The following CNOT10 variants were observed in gnomAD, a reference collection of about 807,000 sequenced individuals.
CNOT10 encodes the protein CCR4-NOT transcription complex subunit 10, also known as CCR4-NOT transcription complex, subunit 10.
Under a neutral mutation model 94.6 loss-of-function variants are expected in CNOT10, and 30 were observed. That is an observed-to-expected ratio of 0.32 (90% confidence interval 0.24 to 0.43). The LOEUF (loss-of-function observed/expected upper bound fraction) is 0.43, where lower values mean the gene tolerates loss of function less well. CNOT10 is among the 20% of genes least tolerant of loss of function. The probability of loss-of-function intolerance (pLI) is 1.00; values close to 1 mark genes in which losing one functional copy is unlikely to be tolerated. For synonymous variants in CNOT10, 289 were observed against 301.6 expected, an observed-to-expected ratio of 0.96 and a Z score of 0.43; for missense variants, 759 against 877.2, an observed-to-expected ratio of 0.87 and a Z score of 1.70.
chr3:32,743,085 A>C (rs1345323914), intron 13 of CNOT10, among the ~76,000 whole-genome samples: 2 of 150,166 alleles, frequency 1.3e-5, no homozygotes, highest in Non-Finnish European at 2.9e-5. Context: ...TCCTGAGTTC[A>C]AGCAGTTCTC....
intron 3 of CNOT10, among the ~76,000 whole-genome samples, chr3:32,706,823 A>G (rs1419067893): frequency 6.6e-6 from 1 of 152,230 alleles, no homozygotes; most frequent in East Asian, 1.9e-4. Flanking sequence ...TCTCTTTAAG[A>G]TAGTGACTTG....
At chr3:32,715,042 A>G (rs1698058082) in intron 5 of CNOT10, among the ~76,000 whole-genome samples, 1 of 152,202 alleles carries the variant, frequency 6.6e-6, no homozygotes, top group Non-Finnish European at 1.5e-5. Context: ...GTGTAGTAAA[A>G]TATTTATATT....
chr3:32,713,640 A>AT (rs1018243417), intron 5 of CNOT10, among the ~76,000 whole-genome samples: 3 of 152,056 alleles, frequency 2.0e-5, no homozygotes, highest in Non-Finnish European at 4.4e-5. Context: ...ACCCTGTACC[A>AT]TTTGCAGTCA....
Position 32,733,558 on chromosome 3 carries a change from A to T in CNOT10, c.1337+14A>T, listed in dbSNP as rs1575259950. 1.3e-6 allele frequency: 2 copies of T among 1,490,200 alleles called. No homozygotes were observed. Among genetic ancestry groups the T allele is most frequent in the South Asian group, 2.5e-5 (2 of 79,142 alleles). The allele number at this position is 1,490,200 out of a possible 1,614,324, so 92.3% of individuals were successfully genotyped here. The stretch of plus-strand genomic sequence containing the variant: ...TACTGTTTATAAGTAAGTATTTTGC[A>T]AAGAAAAAGTGTATATATATTTAAT... On this transcript the variant is annotated intron_variant, in intron 11 of 18. Coordinates refer to ENST00000328834, the MANE Select transcript of CNOT10 (RefSeq NM_015442.3).
intron 7 of CNOT10, among the ~76,000 whole-genome samples, chr3:32,718,367 G>A (rs1245815178): frequency 6.8e-6 from 1 of 147,452 alleles, no homozygotes; most frequent in South Asian, 2.1e-4. Flanking sequence ...GGCGGATCAC[G>A]AGGTCAGGAG....
intron 12 of CNOT10, among the ~76,000 whole-genome samples, chr3:32,736,741 C>A (rs1342355173): frequency 6.6e-6 from 1 of 152,108 alleles, no homozygotes; most frequent in Non-Finnish European, 1.5e-5. Context: ...TGCCACACTG[C>A]ACTCCAGCCT....
chr3:32,761,549 C>A (rs1384384981), intron 14 of CNOT10, among the ~76,000 whole-genome samples: 1 of 151,248 alleles, frequency 6.6e-6, no homozygotes, highest in African/African-American at 2.4e-5. Context: ...CCCACCACCA[C>A]ACCCGGCTAA....
At chr3:32,763,197 C>T (rs760859066) in intron 15 of CNOT10, among the ~76,000 whole-genome samples, 1 of 151,916 alleles carries the variant, frequency 6.6e-6, no homozygotes, top group Admixed American at 6.6e-5. Context: ...TTAGTCCAGG[C>T]GTGGTGGCTC....
At chr3:32,735,763 T>G (rs1215757985) in intron 12 of CNOT10, among the ~76,000 whole-genome samples, 3 of 152,144 alleles carry the variant, frequency 2.0e-5, no homozygotes, top group Non-Finnish European at 4.4e-5. Context: ...GCTGCTTATT[T>G]CTTATTATCC....
At chr3:32,706,512 C>A (rs753083106) in intron 3 of CNOT10, among the ~76,000 whole-genome samples, 4 of 152,162 alleles carry the variant, frequency 2.6e-5, no homozygotes, top group Non-Finnish European at 4.4e-5. Flanking sequence ...GCAGTCACAT[C>A]GGGCACAGTG....
chr3:32,760,826 GT>G (rs532572161), intron 14 of CNOT10, among the ~76,000 whole-genome samples: 7 of 145,586 alleles, frequency 4.8e-5, no homozygotes, highest in Non-Finnish European at 7.6e-5. Flanking sequence ...TAGTGTTTTT[GT>G]TTTTTTTTTA....
intron 12 of CNOT10, among the ~76,000 whole-genome samples, chr3:32,736,831 C>G (rs116840290): frequency 6.6e-6 from 1 of 150,376 alleles, no homozygotes; most frequent in East Asian, 1.9e-4. Context: ...GAGAAATGCG[C>G]GAAAATATTC....
At chr3:32,699,276 C>G (rs1697223998) in intron 1 of CNOT10, among the ~76,000 whole-genome samples, 1 of 152,106 alleles carries the variant, frequency 6.6e-6, no homozygotes, top group African/African-American at 2.4e-5. Flanking sequence ...AGTTTGCAAT[C>G]TGTTTCTTTT....
intron 2 of CNOT10, among the ~76,000 whole-genome samples, 174 bp downstream of exon 2, chr3:32,704,136 A>G (rs1365127519): frequency 6.6e-6 from 1 of 152,248 alleles, no homozygotes; most frequent in East Asian, 1.9e-4. Flanking sequence ...ATATGGTGAA[A>G]GGAATGGGAA....
At chr3:32,753,101 G>A in intron 13 of CNOT10, 1 of 546,844 alleles carries the variant, frequency 1.8e-6, no homozygotes, top group Non-Finnish European at 3.5e-6. Context: ...TGTTGCTGTT[G>A]CTGATGCAAA....
chr3:32,692,052 A>G (rs996434061), intron 1 of CNOT10, among the ~76,000 whole-genome samples: 2 of 128,620 alleles, frequency 1.6e-5, no homozygotes, highest in African/African-American at 2.8e-5. Flanking sequence ...CCCTGTCACC[A>G]AAAAAAAAAA....
chr3:32,732,915 G>C (rs1193928774), intron 10 of CNOT10, among the ~76,000 whole-genome samples: 6 of 152,064 alleles, frequency 3.9e-5, no homozygotes, highest in African/African-American at 9.7e-5. Flanking sequence ...TTCCTAGAAG[G>C]CAAGTATTGT....
chr3:32,741,628 G>T (rs1457822359), intron 13 of CNOT10, among the ~76,000 whole-genome samples: 1 of 152,012 alleles, frequency 6.6e-6, no homozygotes, highest in East Asian at 1.9e-4. Context: ...AATTAGCCAG[G>T]CATGGTGGCG....
chr3:32,703,403 T>TG (rs1222005261), intron 1 of CNOT10, among the ~76,000 whole-genome samples: 6 of 152,166 alleles, frequency 3.9e-5, no homozygotes. Context: ...TATGTACTGC[T>TG]TTTTTTAATA....
Sources: allele counts gnomAD v4.1 joint callset (sites outside exome capture counted in the v4.1 genomes callset), GRCh38; gene constraint gnomAD v4.1.1; transcripts MANE v1.5; gene names NCBI Gene and HGNC (gene_info 2026-07-23, HGNC 2026-07-21).